Variants in RBFOX3 observed in about 807,000 individuals in gnomAD.
RBFOX3 encodes the protein RNA binding fox-1 homolog 3.
Under a neutral mutation model 48.7 loss-of-function variants are expected in RBFOX3, and 17 were observed. The observed-to-expected ratio is 0.35, with a 90% confidence interval of 0.24 to 0.52. RBFOX3 has a LOEUF of 0.52. Among genes scored for constraint, RBFOX3 ranks in the 20% least tolerant of loss-of-function variants. The pLI is 0.94. For missense variants in RBFOX3, 382 were observed against 497.5 expected, an observed-to-expected ratio of 0.77 and a Z score of 2.21; for synonymous variants, 212 against 209.5, an observed-to-expected ratio of 1.01 and a Z score of -0.10.
At chr17:79,427,952 G>A (rs2067690807) in intron 2 of RBFOX3, among the ~76,000 whole-genome samples, 1 of 152,224 alleles carries the variant, frequency 6.6e-6, no homozygotes, top group African/African-American at 2.4e-5. Context: ...AGCAGATGGA[G>A]CTGGGCCTGC....
At chr17:79,240,080 C>T (rs2062141295) in intron 3 of RBFOX3, among the ~76,000 whole-genome samples, 1 of 152,200 alleles carries the variant, frequency 6.6e-6, no homozygotes, top group South Asian at 2.1e-4. Flanking sequence ...CAATTCTCCT[C>T]AAGGACATGT....
chr17:79,626,979 C>T, the RBFOX3 span, among the ~76,000 whole-genome samples: 1 of 152,180 alleles, frequency 6.6e-6, no homozygotes, highest in South Asian at 2.1e-4. Context: ...AATTCAGCCT[C>T]GAGCCTCAGA....
rs116319407 is a variant in RBFOX3, at chr17:79,178,407, G to A, written c.-34+57359C>T. 7.1e-3 allele frequency among the ~76,000 whole-genome samples: 1,087 copies of A among 152,334 alleles called. 9 individuals are homozygous for A. Among genetic ancestry groups the A allele is most frequent in the African/African-American group, 0.024 (1,001 of 41,570 alleles). Reference sequence around the variant, plus strand: ...TTCTTTTGCACATGGCCAAGAAAAGGGGTTGGAAAAGGACCAGAACTTCCT... The same window carrying A: ...TTCTTTTGCACATGGCCAAGAAAAGAGGTTGGAAAAGGACCAGAACTTCCT... On this transcript the variant is annotated intron_variant, in intron 4 of 14. Transcript: ENST00000693108.
intron 2 of RBFOX3, among the ~76,000 whole-genome samples, chr17:79,441,116 C>A (rs1034442391): frequency 6.6e-6 from 1 of 152,144 alleles, no homozygotes; most frequent in Non-Finnish European, 1.5e-5. Flanking sequence ...AGAGACACAG[C>A]GGAAGGATTT....
intron 4 of RBFOX3, among the ~76,000 whole-genome samples, chr17:79,166,056 C>T (rs1216774493): frequency 1.3e-5 from 2 of 152,226 alleles, no homozygotes; most frequent in African/African-American, 2.4e-5. Context: ...TGAGATGTTG[C>T]ACAGATCTGT....
chr17:79,456,366 C>T (rs994845697), intron 2 of RBFOX3, among the ~76,000 whole-genome samples: 2 of 151,732 alleles, frequency 1.3e-5, no homozygotes, highest in African/African-American at 4.8e-5. Context: ...GGGAGCATCC[C>T]GTGTGCTGTA....
rs1317694244 is a variant in RBFOX3 at position 79,249,278 on chromosome 17, A to G, written c.-73-13473T>C. 6.6e-6 allele frequency among the ~76,000 whole-genome samples: 1 copy of G among 152,080 alleles called. No homozygotes were observed. Among genetic ancestry groups the G allele is most frequent in the Non-Finnish European group, 1.5e-5 (1 of 68,016 alleles). On this transcript the variant is annotated intron_variant, in intron 3 of 14. Coordinates refer to ENST00000693108, the MANE Select transcript of RBFOX3 (RefSeq NM_001350451.2). The surrounding 1 kb of genome is among the most constrained non-coding windows in gnomAD (Gnocchi z 4.1). ...CTTGGGCTGCGGATTCTGGCTAGTGAGATGCTGAGCTGTGAACAAAGTCAG... is the reference window on the plus strand; with the variant it reads ...CTTGGGCTGCGGATTCTGGCTAGTGGGATGCTGAGCTGTGAACAAAGTCAG...
Position 79,249,004 on chromosome 17 carries a change from C to G in RBFOX3, c.-73-13199G>C, listed in dbSNP as rs2063554528. Among the ~76,000 whole-genome samples, 1 of 152,246 alleles carries G rather than the reference C, an allele frequency of 6.6e-6. No individual in the cohort carries two copies. Among genetic ancestry groups the G allele is most frequent in the Non-Finnish European group, 1.5e-5 (1 of 68,040 alleles). ...CCCCATTCTGAGCTGGGACCTGCCT[C>G]CATCGGCTGGGATGCGGTGCGGTCT... On this transcript the variant is annotated intron_variant, in intron 3 of 14. Coordinates refer to ENST00000693108, the MANE Select transcript of RBFOX3 (RefSeq NM_001350451.2). The surrounding 1 kb of genome is among the most constrained non-coding windows in gnomAD (Gnocchi z 4.1).
chr17:79,634,518 C>T, the RBFOX3 span, among the ~76,000 whole-genome samples: 1 of 152,186 alleles, frequency 6.6e-6, no homozygotes, highest in East Asian at 1.9e-4. Flanking sequence ...AGAACCCCGG[C>T]GTTCCCATAG....
rs1417722982 is a variant in RBFOX3, at chr17:79,361,646, T to A, written c.-174-53822A>T. On this transcript the variant is annotated intron_variant, in intron 2 of 14. Transcript: ENST00000693108. This position sits in a 1 kb window ranked among gnomAD's most constrained non-coding sequence, Gnocchi z 4.5. ...CTCCTCCTCCTCCCAGCATCCCCTC[T>A]CTTTCACTCTGCCCTCAAACAGCAT... Among the ~76,000 whole-genome samples the A allele has an allele frequency of 6.6e-6, 1 of 152,216 alleles. No individual in the cohort carries two copies. Among genetic ancestry groups the A allele is most frequent in the Non-Finnish European group, 1.5e-5 (1 of 68,034 alleles).
At chr17:79,096,613 C>T (rs1042551101) in intron 12 of RBFOX3, 40 bp downstream of exon 12, 22 of 1,503,530 alleles carry the variant, frequency 1.5e-5, no homozygotes, top group Middle Eastern at 1.9e-4. Context: ...ACCCACAGAA[C>T]GCCTGATCCC....
chr17:79,490,611 G>A (rs1156826937), intron 1 of RBFOX3, among the ~76,000 whole-genome samples: 1 of 152,046 alleles, frequency 6.6e-6, no homozygotes, highest in African/African-American at 2.4e-5. Context: ...CCAGTTTCTG[G>A]CCCTTCCAGA....
At chr17:79,525,242 C>T (rs1193311807) in intron 1 of RBFOX3, among the ~76,000 whole-genome samples, 3 of 152,274 alleles carry the variant, frequency 2.0e-5, no homozygotes, top group Non-Finnish European at 2.9e-5. Flanking sequence ...CCACCTCCAA[C>T]GGAGAAAATG....
chr17:79,363,043 T>A lies in RBFOX3; in HGVS notation c.-174-55219A>T, dbSNP rs1026991891. 1.3e-5 allele frequency among the ~76,000 whole-genome samples: 2 copies of A among 152,108 alleles called. No individual in the cohort carries two copies. Among genetic ancestry groups the A allele is most frequent in the African/African-American group, 4.8e-5 (2 of 41,406 alleles). On this transcript the variant is annotated intron_variant, in intron 2 of 14. Coordinates refer to ENST00000693108, the MANE Select transcript of RBFOX3 (RefSeq NM_001350451.2). This position sits in a 1 kb window ranked among gnomAD's most constrained non-coding sequence, Gnocchi z 4.7. ...TCTCCAAGTGCAGAAAACGGAGAATTACGGGAAAGTAAAAATTCAGAGGCA... is the reference window on the plus strand; with the variant it reads ...TCTCCAAGTGCAGAAAACGGAGAATAACGGGAAAGTAAAAATTCAGAGGCA...
intron 3 of RBFOX3, among the ~76,000 whole-genome samples, chr17:79,286,700 C>T (rs117605856): frequency 0.035 from 5,291 of 152,286 alleles, 142 homozygotes; most frequent in Non-Finnish European, 0.05. Context: ...GTTCTTCTCC[C>T]TTGGTGTTAA....
At chr17:79,183,915 C>G (rs763319678) in intron 4 of RBFOX3, among the ~76,000 whole-genome samples, 13 of 152,240 alleles carry the variant, frequency 8.5e-5, no homozygotes, top group African/African-American at 2.2e-4. Context: ...CCTCCTCCCC[C>G]CCGTTGCCAG....
chr17:79,154,570 G>C (rs531695800), intron 4 of RBFOX3, among the ~76,000 whole-genome samples: 1 of 152,224 alleles, frequency 6.6e-6, no homozygotes, highest in Non-Finnish European at 1.5e-5. Flanking sequence ...TCTGGCTGAG[G>C]GCAGACAGAA....
rs1207421294 is a variant in RBFOX3 at position 79,242,372 on chromosome 17, A to G, written c.-73-6567T>C. 6.6e-6 allele frequency among the ~76,000 whole-genome samples: 1 copy of G among 152,264 alleles called. No individual in the cohort carries two copies. Among genetic ancestry groups the G allele is most frequent in the South Asian group, 2.1e-4 (1 of 4,808 alleles). ...AGGGGAGCTGGAGGTGAAGGGTGCA[A>G]TTTTATAAATCACTATAAAATTATA... On this transcript the variant is annotated intron_variant, in intron 3 of 14. Transcript: ENST00000693108. The surrounding 1 kb of genome is among the most constrained non-coding windows in gnomAD (Gnocchi z 5.8).
intron 1 of RBFOX3, among the ~76,000 whole-genome samples, chr17:79,573,474 C>T (rs971642345): frequency 1.7e-4 from 26 of 152,276 alleles, no homozygotes; most frequent in Middle Eastern, 3.4e-3. Flanking sequence ...TCGGAGCCCA[C>T]GGCCCTGGAG....
Sources: gnomAD v4.1 joint callset for allele counts (sites outside exome capture counted in the v4.1 genomes callset) on GRCh38, gnomAD v4.1.1 for gene constraint, Gnocchi (gnomAD v3.1) non-coding constraint, MANE v1.5 for transcripts, NCBI Gene and HGNC (gene_info 2026-07-23, HGNC 2026-07-21) for gene names.